SLC30A6: variants seen among roughly 807,000 people sequenced by gnomAD.
SLC30A6 encodes the protein zinc transporter 6.
SLC30A6 carries 55 observed loss-of-function variants against 63.0 expected under a neutral mutation model. The ratio of observed to expected loss-of-function variants is 0.87; its 90% CI spans 0.70 to 1.09. SLC30A6 has a LOEUF of 1.09. SLC30A6 is among the 50% of genes least tolerant of loss of function. The pLI is 0.00. For synonymous variants in SLC30A6, 224 were observed against 186.1 expected (o/e 1.20, Z -1.66); for missense variants, 587 against 549.2 (o/e 1.07, Z -0.69).
Position 32,204,679 on chromosome 2 carries a change from A to G in SLC30A6, c.755A>G (p.Lys252Arg), listed in dbSNP as rs899811671. Reference sequence around the variant, plus strand: ...TATCCCATGAGTGTGTACAGTGGGAAAGTCTTACTCCAGGTAAGGTGCTTC... The same window carrying G: ...TATCCCATGAGTGTGTACAGTGGGAGAGTCTTACTCCAGGTAAGGTGCTTC... ...TMYPMSVYSG[K>R]VLLQTTPPHV... is the part of the protein sequence containing the mutation. Residue 252 changes from lysine (K) to arginine (R), a missense_variant, in exon 11 of 14, where the codon AAA becomes AGA. By Grantham distance (26) the Lys-to-Arg change is conservative (BLOSUM62 2). Coordinates refer to ENST00000282587, the MANE Select transcript of SLC30A6 (RefSeq NM_017964.5). 4 of 1,605,592 alleles carry G rather than the reference A, an allele frequency of 2.5e-6. No individual in the cohort carries two copies. In the African/African-American group the frequency reaches 5.3e-5, roughly 21 times the overall value.
chr2:32,202,162 C>T (rs1224300006), intron 10 of SLC30A6: 2 of 770,184 alleles, frequency 2.6e-6, no homozygotes, highest in Non-Finnish European at 2.1e-6. Context: ...TATAAAGCTT[C>T]TGAAAGGTTG....
intron 5 of SLC30A6, among the ~76,000 whole-genome samples, chr2:32,189,936 ATGCAGTGGTAT>A (rs1683182854): frequency 1.3e-5 from 2 of 152,058 alleles, no homozygotes; most frequent in African/African-American, 4.8e-5. Flanking sequence ...ATTCTATGGT[ATGCAGTGGTAT>A]TTCATTGTGG....
chr2:32,223,932 G>C lies in SLC30A6; in HGVS notation c.*3219G>C, dbSNP rs1043264094. ...ATGTAGCAGGTACTGGAGAGGACCT[G>C]AATTTCAAGCTTCTGATTTAGCTGT... On this transcript the variant is annotated 3_prime_UTR_variant, in exon 14 of 14. Transcript: ENST00000282587. The C allele has an allele frequency of 1.3e-5, 2 of 152,204 alleles. No homozygotes were observed. The highest frequency in any genetic ancestry group is 4.8e-5 in the African/African-American group (2 of 41,432). The allele number at this position is 152,204 out of a possible 1,614,324, so 9.4% of individuals were successfully genotyped here. A position where few individuals can be genotyped will look rare whatever the true frequency, so the allele number is the denominator to read the frequency against.
At chr2:32,180,137 C>T (rs1274801084) in intron 4 of SLC30A6, among the ~76,000 whole-genome samples, 4 of 152,004 alleles carry the variant, frequency 2.6e-5, no homozygotes, top group African/African-American at 9.7e-5. Context: ...CACAGTGGCT[C>T]ATGCCTGTAA....
At chr2:32,206,199 C>A (rs1684757488) in intron 11 of SLC30A6, among the ~76,000 whole-genome samples, 1 of 151,492 alleles carries the variant, frequency 6.6e-6, no homozygotes, top group Non-Finnish European at 1.5e-5. Flanking sequence ...GTAATCCCAG[C>A]ACTTTGGGAG....
intron 1 of SLC30A6, among the ~76,000 whole-genome samples, chr2:32,167,293 G>A (rs1680762954): frequency 1.3e-5 from 2 of 151,514 alleles, no homozygotes; most frequent in Admixed American, 1.3e-4. Context: ...CAGGCTGATC[G>A]CGAACTCCTG....
At position 32,193,944 on chromosome 2, in the gene SLC30A6, C is replaced by T; in HGVS notation, c.457C>T (p.Leu153Phe). 1 of 1,613,524 alleles carries T rather than the reference C, an allele frequency of 6.2e-7. No homozygotes were observed. The highest frequency in any genetic ancestry group is 8.5e-7 in the Non-Finnish European group (1 of 1,179,726). Residue 153 changes from leucine (L) to phenylalanine (F), a missense_variant, in exon 8 of 14, where the codon CTT (leucine) becomes TTT (phenylalanine). Coordinates refer to ENST00000282587, the MANE Select transcript of SLC30A6 (RefSeq NM_017964.5). ...TCTTTGTTTCAACCTGTTCACGATGCTTTCTATTCGGAATAAACCTTTTGC... is the reference window on the plus strand; with the variant it reads ...TCTTTGTTTCAACCTGTTCACGATGTTTTCTATTCGGAATAAACCTTTTGC... ...VALCFNLFTMLSIRNKPFAYV... is the reference protein window; with the variant it reads ...VALCFNLFTMFSIRNKPFAYV...
chr2:32,192,417 G>A lies in SLC30A6; in HGVS notation c.365+1G>A. 4 of 1,611,946 alleles carry A rather than the reference G, an allele frequency of 2.5e-6. No individual in the cohort carries two copies. Among genetic ancestry groups the A allele is most frequent in the Non-Finnish European group, 2.5e-6 (3 of 1,178,162 alleles). On this transcript the variant is annotated splice_donor_variant, in intron 6 of 13. Coordinates refer to ENST00000282587, the MANE Select transcript of SLC30A6 (RefSeq NM_017964.5). LOFTEE classifies it high-confidence loss of function. ...GAGCTCTCTTTATATTAAAAGAAAG[G>A]TACATTTGTATAGGATATTATTCTA...
rs531684746 is a variant in SLC30A6 at position 32,223,037 on chromosome 2, A to T, written c.*2324A>T. 6.6e-6 allele frequency: 1 copy of T among 152,366 alleles called. No homozygotes were observed. The highest frequency in any genetic ancestry group is 2.1e-4 in the South Asian group (1 of 4,834). 9.4% of individuals were successfully genotyped at this position (152,366 alleles called of 1,614,324 possible). A position where few individuals can be genotyped will look rare whatever the true frequency, so the allele number is the denominator to read the frequency against. On this transcript the variant is annotated 3_prime_UTR_variant, in exon 14 of 14. Transcript: ENST00000282587. ...ACCTACCTTCACTATTTGAGAAAGG[A>T]CACTCACAGTTGCCTGTGGGTTATG...
chr2:32,187,229 G>T (rs1357270467), intron 5 of SLC30A6: 1 of 470,914 alleles, frequency 2.1e-6, no homozygotes, highest in South Asian at 1.5e-5. Context: ...CTCCTATCAA[G>T]ACCTTAATTC....
intron 11 of SLC30A6, among the ~76,000 whole-genome samples, chr2:32,205,082 G>T (rs975051824): frequency 6.6e-6 from 1 of 151,908 alleles, no homozygotes; most frequent in African/African-American, 2.4e-5. Flanking sequence ...CAAAGTGTTG[G>T]GACTATACGC....
intron 1 of SLC30A6, 54 bp from the exon 2 acceptor site, chr2:32,171,233 A>G: frequency 2.1e-6 from 3 of 1,433,318 alleles, no homozygotes; most frequent in Non-Finnish European, 2.9e-6. Flanking sequence ...TATCATAGGA[A>G]CTCTGAAGAT....
chr2:32,206,890 C>T lies in SLC30A6; in HGVS notation c.773C>T (p.Thr258Ile). 1 of 1,611,618 alleles carries T rather than the reference C, an allele frequency of 6.2e-7. No homozygotes were observed. ...VYSGKVLLQTTPPHVIGQLDK... is the reference protein window; with the variant it reads ...VYSGKVLLQTIPPHVIGQLDK... ...TTTTATTGTATTTTTCCCCAGACAA[C>T]ACCACCCCATGTTATTGGTCAGTTG... Residue 258 changes from threonine (T) to isoleucine (I), a missense_variant, in exon 12 of 14, where the codon ACA becomes ATA. Transcript: ENST00000282587.
intron 13 of SLC30A6, among the ~76,000 whole-genome samples, chr2:32,216,766 T>G (rs894185081): frequency 2.6e-5 from 4 of 152,240 alleles, no homozygotes; most frequent in African/African-American, 7.2e-5. Context: ...TGTTTTTTGC[T>G]TGTTCAGTTT....
intron 7 of SLC30A6, 73 bp from the exon 8 acceptor site, chr2:32,193,816 T>C: frequency 8.4e-7 from 1 of 1,188,702 alleles, no homozygotes; most frequent in Non-Finnish European, 1.2e-6. Context: ...TCTTAGTCCC[T>C]CTACGTATTG....
At chr2:32,206,478 G>A (rs963618173) in intron 11 of SLC30A6, among the ~76,000 whole-genome samples, 18 of 151,268 alleles carry the variant, frequency 1.2e-4, no homozygotes, top group African/African-American at 3.6e-4. Context: ...CCGGATGTGC[G>A]TGTAAGCACT....
chr2:32,183,292 T>G (rs1682505138), intron 4 of SLC30A6, among the ~76,000 whole-genome samples: 1 of 152,190 alleles, frequency 6.6e-6, no homozygotes, highest in African/African-American at 2.4e-5. Flanking sequence ...GACAGACTCT[T>G]GTCTCCCTGC....
chr2:32,203,783 C>G (rs760858605), intron 10 of SLC30A6: 18 of 1,494,886 alleles, frequency 1.2e-5, no homozygotes, highest in Admixed American at 1.7e-5. Context: ...GCCAAATTAC[C>G]TGAAATTGAA....
chr2:32,202,521 C>T (rs1194316511), intron 10 of SLC30A6: 10 of 297,172 alleles, frequency 3.4e-5, no homozygotes, highest in South Asian at 1.0e-4. Context: ...TTAGTAGAGA[C>T]GGGATTTCAC....
Sources: gnomAD v4.1 joint callset for allele counts (sites outside exome capture counted in the v4.1 genomes callset) on GRCh38, gnomAD v4.1.1 for gene constraint, MANE v1.5 for transcripts, NCBI Gene and HGNC (gene_info 2026-07-23, HGNC 2026-07-21) for gene names.